The following BMP2K variants were observed in gnomAD, a reference collection of about 807,000 sequenced individuals.
BMP2K encodes BMP2 inducible kinase.
Under a neutral mutation model 116.0 loss-of-function variants are expected in BMP2K, and 74 were observed. That is an observed-to-expected ratio of 0.64 (90% CI 0.53 to 0.77). BMP2K has a LOEUF of 0.77. Ranked by LOEUF, BMP2K falls within the 30% of genes least tolerant of loss-of-function variation. The pLI is 0.00. For missense variants in BMP2K, 1,365 were observed against 1,403.6 expected (o/e 0.97, Z 0.44); for synonymous variants, 486 against 502.5 (o/e 0.97, Z 0.44).
At chr4:78,779,740 C>A (rs761418968) in intron 1 of BMP2K, among the ~76,000 whole-genome samples, 2 of 152,146 alleles carry the variant, frequency 1.3e-5, no homozygotes, top group African/African-American at 4.8e-5. Context: ...AGCAGATTCT[C>A]AGGGGTAGGT....
intron 3 of BMP2K, among the ~76,000 whole-genome samples, chr4:78,840,588 A>G (rs367881505): frequency 1.3e-5 from 2 of 152,158 alleles, no homozygotes; most frequent in African/African-American, 4.8e-5. Context: ...TTCAGTATAT[A>G]ATGTTTGATT....
chr4:78,783,844 A>G lies in BMP2K; in HGVS notation c.178+7123A>G, dbSNP rs771214027. ...AAATAAATAAATAATAAATAAAAAT[A>G]AAAGTGCTAAATTGTACAAACATGC... On this transcript the variant is annotated intron_variant, in intron 1 of 15. Coordinates refer to ENST00000502613, the MANE Select transcript of BMP2K (RefSeq NM_198892.2). Among the ~76,000 whole-genome samples the G allele has an allele frequency of 4.6e-5, 7 of 152,214 alleles. No homozygotes were observed. In the East Asian group the frequency reaches 1.3e-3, roughly 29 times the overall value.
In BMP2K at chr4:78,806,901, T is replaced by C. The variant is rs748248037; in HGVS notation, c.179-19136T>C. Among the ~76,000 whole-genome samples, 46 of 151,476 alleles carry C rather than the reference T, an allele frequency of 3.0e-4. 1 individual carries two copies. Among genetic ancestry groups the C allele is most frequent in the Non-Finnish European group, 8.8e-5 (6 of 67,918 alleles). On this transcript the variant is annotated intron_variant, in intron 1 of 15. Transcript: ENST00000502613. Reference sequence around the variant, plus strand: ...TCTCACTCTTTTACTCAGGCTGGAGTGCAGTGGCATGTCCTCGGCTCACTG... The same window carrying C: ...TCTCACTCTTTTACTCAGGCTGGAGCGCAGTGGCATGTCCTCGGCTCACTG...
intron 1 of BMP2K, among the ~76,000 whole-genome samples, chr4:78,796,057 C>A (rs554419709): frequency 1.3e-5 from 2 of 151,928 alleles, no homozygotes; most frequent in African/African-American, 4.8e-5. Flanking sequence ...ACCCAAAGGA[C>A]TATAAATCAT....
intron 15 of BMP2K, among the ~76,000 whole-genome samples, chr4:78,900,366 G>T (rs1733933809): frequency 6.6e-6 from 1 of 152,176 alleles, no homozygotes; most frequent in Non-Finnish European, 1.5e-5. Context: ...TGTGTCGGAG[G>T]TTGATACCTC....
intron 15 of BMP2K, among the ~76,000 whole-genome samples, chr4:78,889,203 A>G (rs112442092): frequency 1.9e-3 from 266 of 142,092 alleles, no homozygotes; most frequent in African/African-American, 6.6e-3. Flanking sequence ...CCTGGGCGAT[A>G]GAGTGAGACT....
Position 78,826,168 on chromosome 4 carries a change from G to A in BMP2K, c.297+13G>A, listed in dbSNP as rs1210592173. On this transcript the variant is annotated intron_variant, in intron 2 of 15. Coordinates refer to ENST00000502613, the MANE Select transcript of BMP2K (RefSeq NM_198892.2). ...AATTACAATTATGGTAAGTGAAGGA[G>A]TAGTTCTCTTTCAGAAATTTTGCAA... 12 of 1,579,474 alleles carry A rather than the reference G, an allele frequency of 7.6e-6. No individual in the cohort carries two copies. The highest frequency in any genetic ancestry group is 7.8e-6 in the Non-Finnish European group (9 of 1,153,300).
intron 2 of BMP2K, 86 bp downstream of exon 2, chr4:78,826,241 G>T (rs1321140395): frequency 8.7e-6 from 9 of 1,029,276 alleles, no homozygotes; most frequent in Non-Finnish European, 1.3e-5. Context: ...GGAGTGGCAC[G>T]CCCAGGCTGG....
intron 2 of BMP2K, among the ~76,000 whole-genome samples, chr4:78,832,354 C>G (rs1730248504): frequency 6.6e-6 from 1 of 152,136 alleles, no homozygotes; most frequent in South Asian, 2.1e-4. Flanking sequence ...ACTTATCCAC[C>G]TGCTAAGAGG....
Position 78,872,601 on chromosome 4 carries a change from T to C in BMP2K, c.1609-13T>C, listed in dbSNP as rs769467906. On this transcript the variant is annotated splice_polypyrimidine_tract_variant and intron_variant, in intron 12 of 15. Coordinates refer to ENST00000502613, the MANE Select transcript of BMP2K (RefSeq NM_198892.2). ...TGGAGCATTGTTTTGTATAATATCA[T>C]TTCTTTTTTCAGATGCCGCAGTATC... is the stretch of plus-strand genomic sequence containing the variant. The C allele has an allele frequency of 2.6e-5, 42 of 1,612,254 alleles. No homozygotes were observed. The highest frequency in any genetic ancestry group is 4.5e-5 in the East Asian group (2 of 44,854).
chr4:78,847,618 A>G (rs1309326147), intron 6 of BMP2K, among the ~76,000 whole-genome samples: 1 of 151,682 alleles, frequency 6.6e-6, no homozygotes, highest in Non-Finnish European at 1.5e-5. Flanking sequence ...TTAAGTAATT[A>G]CACAATAATT....
chr4:78,902,499 G>A (rs1734060068), intron 15 of BMP2K, among the ~76,000 whole-genome samples: 1 of 149,450 alleles, frequency 6.7e-6, no homozygotes, highest in African/African-American at 2.6e-5. Flanking sequence ...GTAAATTGCT[G>A]GGAGATGATG....
At chr4:78,781,023 G>A (rs1211337391) in intron 1 of BMP2K, among the ~76,000 whole-genome samples, 1 of 152,144 alleles carries the variant, frequency 6.6e-6, no homozygotes, top group African/African-American at 2.4e-5. Flanking sequence ...AAGTCTCTGT[G>A]TGAGGGAAGG....
chr4:78,904,577 C>T (rs1198472519), intron 15 of BMP2K, among the ~76,000 whole-genome samples: 1 of 151,904 alleles, frequency 6.6e-6, no homozygotes, highest in Non-Finnish European at 1.5e-5. Context: ...TAGTCACTCA[C>T]CTTATTCTCA....
intron 1 of BMP2K, among the ~76,000 whole-genome samples, chr4:78,807,007 C>A (rs1359191439): frequency 6.6e-6 from 1 of 151,708 alleles, no homozygotes. Context: ...CTGCTACCAC[C>A]CCCAGCTAAT....
intron 3 of BMP2K, among the ~76,000 whole-genome samples, chr4:78,834,456 T>C (rs1166162397): frequency 6.6e-6 from 1 of 151,968 alleles, no homozygotes; most frequent in Non-Finnish European, 1.5e-5. Context: ...AGAGATGGGG[T>C]TTCACCATGT....
At chr4:78,786,405 A>ATGTGTGTGTGTGTGTGTG (rs34288286) in intron 1 of BMP2K, among the ~76,000 whole-genome samples, 57 of 134,382 alleles carry the variant, frequency 4.2e-4, no homozygotes, top group African/African-American at 1.2e-3. Flanking sequence ...AAGCCACCCA[A>ATGTGTGTGTGTGTGTGTG]TGTGTGTGTG....
Position 78,910,593 on chromosome 4 carries a change from T to C in BMP2K, c.2063-17T>C, listed in dbSNP as rs1201239881. ...AATGCATTGGAATGCTGTAATAATA[T>C]TTATTTGAACTTGCAGGTTCTCCTG... On this transcript the variant is annotated splice_polypyrimidine_tract_variant and intron_variant, in intron 15 of 15. Transcript: ENST00000502613. The C allele has an allele frequency of 2.0e-6, 3 of 1,488,452 alleles. No homozygotes were observed. Among genetic ancestry groups the C allele is most frequent in the Middle Eastern group, 3.6e-4 (2 of 5,542 alleles). 92.2% of individuals were successfully genotyped at this position (1,488,452 alleles called of 1,614,324 possible).
intron 14 of BMP2K, among the ~76,000 whole-genome samples, chr4:78,884,194 G>T (rs1171177491): frequency 6.6e-6 from 1 of 152,096 alleles, no homozygotes; most frequent in Non-Finnish European, 1.5e-5. Context: ...GAACGTGGTG[G>T]CCTGTGCCTC....
Sources: allele counts gnomAD v4.1 joint callset (sites outside exome capture counted in the v4.1 genomes callset), GRCh38; gene constraint gnomAD v4.1.1; transcripts MANE v1.5; gene names NCBI Gene and HGNC (gene_info 2026-07-23, HGNC 2026-07-21).